RTL4: variants seen among roughly 807,000 people sequenced by gnomAD.
The protein encoded by RTL4 is retrotransposon Gag-like protein 4.
Under a neutral mutation model 5.3 loss-of-function variants are expected in RTL4, and 4 were observed. That is an observed-to-expected ratio of 0.75 (90% CI 0.37 to 1.72). The LOEUF (loss-of-function observed/expected upper bound fraction) is 1.72. RTL4 is among the 40% of genes most tolerant of loss of function. The probability of loss-of-function intolerance (pLI) is 0.04; values close to 1 mark genes in which losing one functional copy is unlikely to be tolerated. For missense variants in RTL4, 260 were observed against 227.1 expected (o/e 1.14, Z -0.93); for synonymous variants, 98 against 87.3 (o/e 1.12, Z -0.68).
At chrX:112,256,729 C>A in the RTL4 span, among the ~76,000 whole-genome samples, 12 of 111,897 alleles carry the variant, frequency 1.1e-4, no homozygotes, top group African/African-American at 3.9e-4. Context: ...TCATAAGAGA[C>A]TTACACTTCT....
At chrX:112,397,674 G>A in the RTL4 span, among the ~76,000 whole-genome samples, 11 of 111,227 alleles carry the variant, frequency 9.9e-5, no homozygotes, top group East Asian at 2.8e-4. Context: ...TTCTTTCATC[G>A]GTGTCTTACA....
chrX:112,222,171 A>G, the RTL4 span, among the ~76,000 whole-genome samples: 1 of 111,664 alleles, frequency 9.0e-6, no homozygotes, highest in Admixed American at 9.5e-5. Context: ...GACCAGAAAA[A>G]CAGTTGATGG....
the RTL4 span, among the ~76,000 whole-genome samples, chrX:112,210,988 C>T: frequency 7.1e-5 from 8 of 112,334 alleles, no homozygotes; most frequent in African/African-American, 2.6e-4. Context: ...TCGTTCAAAA[C>T]AGTTGGTTTA....
At chrX:112,107,988 C>T in the RTL4 span, among the ~76,000 whole-genome samples, 1 of 111,123 alleles carries the variant, frequency 9.0e-6, no homozygotes, top group Non-Finnish European at 1.9e-5. Flanking sequence ...AAGCTTTCTT[C>T]CTTCCGTTTT....
chrX:112,253,834 C>T, the RTL4 span, among the ~76,000 whole-genome samples: 1 of 112,059 alleles, frequency 8.9e-6, no homozygotes, highest in South Asian at 3.7e-4. Context: ...GATATCTGAT[C>T]AGGTTCCTCA....
chrX:112,349,145 T>C, the RTL4 span, among the ~76,000 whole-genome samples: 28 of 110,893 alleles, frequency 2.5e-4, 1 homozygote, highest in Admixed American at 2.5e-3. Flanking sequence ...TAAAAAAGAA[T>C]TACATTCATT....
At chrX:112,106,560 C>T in the RTL4 span, among the ~76,000 whole-genome samples, 6 of 112,109 alleles carry the variant, frequency 5.4e-5, no homozygotes. Flanking sequence ...TACTGGATCA[C>T]ATGGTGGTTC....
chrX:112,393,143 C>CTT, the RTL4 span, among the ~76,000 whole-genome samples: 1 of 87,550 alleles, frequency 1.1e-5, no homozygotes, highest in African/African-American at 4.8e-5. Flanking sequence ...TTCTTTCTTT[C>CTT]TTTCTTTTTT....
chrX:112,440,555 G>A, the RTL4 span, among the ~76,000 whole-genome samples: 1 of 111,987 alleles, frequency 8.9e-6, no homozygotes, highest in Non-Finnish European at 1.9e-5. Context: ...TACCATATCA[G>A]GGCTAGAGGG....
chrX:112,189,764 CAA>C, the RTL4 span, among the ~76,000 whole-genome samples: 2 of 99,538 alleles, frequency 2.0e-5, no homozygotes, highest in Middle Eastern at 5.0e-3. Flanking sequence ...AACTCCATCT[CAA>C]AAAAAAAAAG....
At chrX:112,208,282 A>G in the RTL4 span, among the ~76,000 whole-genome samples, 1 of 111,813 alleles carries the variant, frequency 8.9e-6, no homozygotes, top group Non-Finnish European at 1.9e-5. Context: ...TGGTGCTGGG[A>G]AATAGGTCCT....
At chrX:112,336,968 T>A in the RTL4 span, among the ~76,000 whole-genome samples, 2 of 112,288 alleles carry the variant, frequency 1.8e-5, no homozygotes, top group Non-Finnish European at 3.8e-5. Context: ...TTTTCTATGG[T>A]GTTCACATGT....
the RTL4 span, among the ~76,000 whole-genome samples, chrX:112,301,898 GA>G: frequency 9.2e-6 from 1 of 108,525 alleles, no homozygotes; most frequent in East Asian, 2.9e-4. Flanking sequence ...CCAGGAGGTC[GA>G]GGCTACAACT....
chrX:112,219,841 C>A, the RTL4 span, among the ~76,000 whole-genome samples: 1 of 112,042 alleles, frequency 8.9e-6, no homozygotes, highest in South Asian at 3.7e-4. Context: ...AGAGCCTCTG[C>A]CCCTTATACT....
the RTL4 span, among the ~76,000 whole-genome samples, chrX:112,248,660 A>G: frequency 0.26 from 28,772 of 110,994 alleles, 3,760 homozygotes; most frequent in African/African-American, 0.52. Context: ...AGGAAAGGTG[A>G]AAACAGAGTC....
the RTL4 span, among the ~76,000 whole-genome samples, chrX:112,145,578 T>G: frequency 1.8e-5 from 2 of 112,190 alleles, no homozygotes; most frequent in Non-Finnish European, 3.8e-5. Context: ...TAGGTAAAGT[T>G]TCTGCCTTTA....
the RTL4 span, among the ~76,000 whole-genome samples, chrX:112,133,588 T>C: frequency 3.6e-5 from 4 of 111,588 alleles, no homozygotes; most frequent in African/African-American, 9.8e-5. Flanking sequence ...ACACTAATAA[T>C]AGTCAAAAGA....
At chrX:112,309,431 A>G in the RTL4 span, among the ~76,000 whole-genome samples, 864 of 110,948 alleles carry the variant, frequency 7.8e-3, 6 homozygotes, top group African/African-American at 0.027. Flanking sequence ...CAACATATGA[A>G]TTTGGAAGGG....
the RTL4 span, among the ~76,000 whole-genome samples, chrX:112,430,911 A>AT: frequency 1.8e-5 from 2 of 112,067 alleles, no homozygotes; most frequent in Non-Finnish European, 3.8e-5. Flanking sequence ...ATGCCTTGTA[A>AT]TTTTTTGTTG....
Sources: gnomAD v4.1 joint callset for allele counts (sites outside exome capture counted in the v4.1 genomes callset) on GRCh38, gnomAD v4.1.1 for gene constraint, MANE v1.5 for transcripts, NCBI Gene and HGNC (gene_info 2026-07-23, HGNC 2026-07-21) for gene names.